Variants in CRY1 observed in about 807,000 individuals in gnomAD.
CRY1 encodes the protein cryptochrome-1.
Under a neutral mutation model 76.0 loss-of-function variants are expected in CRY1, and 45 were observed. The observed-to-expected ratio is 0.59, with a 90% confidence interval of 0.47 to 0.76. The LOEUF (loss-of-function observed/expected upper bound fraction) is 0.76. CRY1 is among the 30% of genes least tolerant of loss of function. The probability of loss-of-function intolerance (pLI) is 0.00; values close to 1 mark genes in which losing one functional copy is unlikely to be tolerated. For synonymous variants in CRY1, 248 were observed against 244.0 expected (o/e 1.02, Z -0.15); for missense variants, 587 against 716.4 (o/e 0.82, Z 2.06).
chr12:107,091,427 C>T (rs1402017014), intron 1 of CRY1, among the ~76,000 whole-genome samples: 1 of 152,122 alleles, frequency 6.6e-6, no homozygotes, highest in Non-Finnish European at 1.5e-5. Context: ...TTTCTCACCA[C>T]GTCCACGATT....
intron 1 of CRY1, among the ~76,000 whole-genome samples, chr12:107,029,257 CTTGGCT>C (rs764946041): frequency 2.0e-5 from 3 of 152,080 alleles, no homozygotes; most frequent in Non-Finnish European, 4.4e-5. Context: ...ATCTTCCATT[CTTGGCT>C]TCTCCTTACT....
intron 5 of CRY1, 45 bp from the exon 6 acceptor site, chr12:107,000,127 A>G (rs750597698): frequency 1.3e-6 from 2 of 1,523,594 alleles, no homozygotes; most frequent in Admixed American, 4.6e-5. Flanking sequence ...TGTCTTTTTC[A>G]TTTTAAAAGA....
intron 1 of CRY1, among the ~76,000 whole-genome samples, chr12:107,054,030 T>C (rs1199809588): frequency 6.6e-6 from 1 of 152,116 alleles, no homozygotes; most frequent in African/African-American, 2.4e-5. Flanking sequence ...TTCTAAAAGA[T>C]ACATCTGAGA....
At chr12:107,025,107 T>C (rs892692625) in intron 1 of CRY1, among the ~76,000 whole-genome samples, 7 of 152,174 alleles carry the variant, frequency 4.6e-5, no homozygotes, top group African/African-American at 1.7e-4. Flanking sequence ...AAGAAAATAA[T>C]TGGAAAAATA....
At chr12:107,044,448 C>T (rs1002406654) in intron 1 of CRY1, among the ~76,000 whole-genome samples, 2 of 152,168 alleles carry the variant, frequency 1.3e-5, no homozygotes, top group African/African-American at 4.8e-5. Flanking sequence ...GGAGACTATA[C>T]CACTGCACCT....
intron 1 of CRY1, among the ~76,000 whole-genome samples, chr12:107,049,121 C>T (rs932053678): frequency 3.3e-5 from 5 of 152,108 alleles, no homozygotes; most frequent in African/African-American, 9.7e-5. Flanking sequence ...CACTCTATTC[C>T]TAGGATATTG....
chr12:107,033,541 T>C (rs1367459231), intron 1 of CRY1, among the ~76,000 whole-genome samples: 3 of 152,162 alleles, frequency 2.0e-5, no homozygotes, highest in African/African-American at 4.8e-5. Flanking sequence ...TTATATATCA[T>C]GATCAAGTTG....
rs1134791 is a variant in CRY1 at position 106,992,975 on chromosome 12, C to T, written c.1647G>A (p.Leu549=). 6.2e-7 allele frequency: 1 copy of T among 1,614,034 alleles called. No homozygotes were observed. The highest frequency in any genetic ancestry group is 8.5e-7 in the Non-Finnish European group (1 of 1,179,924). The change falls in exon 11 of 13, where the codon CTG becomes CTA. Residue 549 remains leucine (L), a synonymous_variant. Coordinates refer to ENST00000008527, the MANE Select transcript of CRY1 (RefSeq NM_004075.5). The part of the protein sequence containing the change: ...YAHGDSQQTH[L]LKQGRSSMGT... ...ATGCTTCATTCTTACCTTGCTTCAA[C>T]AGGTGAGTTTGCTGACTGTCGCCAT...
At chr12:107,072,413 T>C (rs921473858) in intron 1 of CRY1, among the ~76,000 whole-genome samples, 30 of 152,174 alleles carry the variant, frequency 2.0e-4, no homozygotes, top group Non-Finnish European at 3.5e-4. Flanking sequence ...TGTGGGCAGT[T>C]TGATGTGTGG....
At chr12:107,017,758 C>A (rs536631203) in intron 2 of CRY1, among the ~76,000 whole-genome samples, 1 of 152,140 alleles carries the variant, frequency 6.6e-6, no homozygotes, top group Non-Finnish European at 1.5e-5. Flanking sequence ...TACCTTTTGA[C>A]GGAAAGAGCT....
intron 1 of CRY1, among the ~76,000 whole-genome samples, chr12:107,034,028 G>A (rs1443925830): frequency 6.6e-6 from 1 of 151,672 alleles, no homozygotes; most frequent in African/African-American, 2.4e-5. Context: ...GTACTTCCAG[G>A]AAGTTAGGCG....
chr12:107,029,938 G>T (rs1416383030), intron 1 of CRY1, among the ~76,000 whole-genome samples: 1 of 152,102 alleles, frequency 6.6e-6, no homozygotes, highest in East Asian at 1.9e-4. Context: ...TTGATATGGG[G>T]AGCGGCTTAG....
rs527577787 is a variant in CRY1 at position 107,028,006 on chromosome 12, A to G, written c.159-5814T>C. 2.4e-4 allele frequency among the ~76,000 whole-genome samples: 36 copies of G among 152,330 alleles called. No homozygotes were observed. The South Asian group carries it at 4.6e-3, about 19-fold the overall frequency. On this transcript the variant is annotated intron_variant, in intron 1 of 12. Coordinates refer to ENST00000008527, the MANE Select transcript of CRY1 (RefSeq NM_004075.5). ...TCTTACACACTCAGCAATAAAAACTACACTTACAATATCTAAACAGGAACA... is the reference window on the plus strand; with the variant it reads ...TCTTACACACTCAGCAATAAAAACTGCACTTACAATATCTAAACAGGAACA...
At chr12:107,073,623 G>A (rs1953217500) in intron 1 of CRY1, among the ~76,000 whole-genome samples, 1 of 152,078 alleles carries the variant, frequency 6.6e-6, no homozygotes, top group African/African-American at 2.4e-5. Context: ...CAGCTACCAG[G>A]GAGGCTGAGG....
In CRY1 at chr12:107,067,757, A is replaced by G. The variant is rs190052865; in HGVS notation, c.158+25047T>C. 1.5e-3 allele frequency among the ~76,000 whole-genome samples: 230 copies of G among 152,322 alleles called. 1 individual carries two copies. Among genetic ancestry groups the G allele is most frequent in the Non-Finnish European group, 2.7e-3 (183 of 68,020 alleles). Reference sequence around the variant, plus strand: ...AAGTGTAGGGGACAGGAGAAGGAAGACAATGAACAGGAGTCTGTGACAAGG... The same window carrying G: ...AAGTGTAGGGGACAGGAGAAGGAAGGCAATGAACAGGAGTCTGTGACAAGG... On this transcript the variant is annotated intron_variant, in intron 1 of 12. Coordinates refer to ENST00000008527, the MANE Select transcript of CRY1 (RefSeq NM_004075.5).
At chr12:107,013,161 T>C (rs1163269216) in intron 2 of CRY1, among the ~76,000 whole-genome samples, 1 of 152,218 alleles carries the variant, frequency 6.6e-6, no homozygotes, top group Non-Finnish European at 1.5e-5. Context: ...CAAACAGCAT[T>C]GCATGCTATA....
intron 1 of CRY1, among the ~76,000 whole-genome samples, chr12:107,033,004 G>A (rs964898509): frequency 7.4e-5 from 11 of 149,320 alleles, no homozygotes; most frequent in Admixed American, 3.3e-4. Context: ...ATAAATGTCC[G>A]ACAAGAATAA....
intron 7 of CRY1, among the ~76,000 whole-genome samples, chr12:106,999,003 T>C (rs1003554868): frequency 6.7e-6 from 1 of 148,174 alleles, no homozygotes; most frequent in Non-Finnish European, 1.5e-5. Context: ...GATCACGTCA[T>C]TGCACCCCGG....
At chr12:107,067,476 C>T (rs897637267) in intron 1 of CRY1, among the ~76,000 whole-genome samples, 21 of 151,952 alleles carry the variant, frequency 1.4e-4, no homozygotes, top group Admixed American at 1.0e-3. Context: ...TATCGGCATG[C>T]ACAACTTTTA....
Sources: allele counts gnomAD v4.1 joint callset (sites outside exome capture counted in the v4.1 genomes callset), GRCh38; gene constraint gnomAD v4.1.1; transcripts MANE v1.5; gene names NCBI Gene and HGNC (gene_info 2026-07-23, HGNC 2026-07-21).